DNAH12: variants seen among roughly 807,000 people sequenced by gnomAD.
DNAH12 encodes the protein dynein axonemal heavy chain 12.
In DNAH12, 285 loss-of-function variants were observed where a neutral mutation model predicts 371.5. That is an observed-to-expected ratio of 0.77 (90% CI 0.70 to 0.85). DNAH12 has a LOEUF of 0.85. DNAH12 is among the 40% of genes least tolerant of loss of function. DNAH12 has a pLI of 0.00. For missense variants in DNAH12, 3,611 were observed against 3,689.4 expected (o/e 0.98, Z 0.55); for synonymous variants, 1,200 against 1,213.0 (o/e 0.99, Z 0.22).
rs576726477 is a variant in DNAH12 at position 57,450,789 on chromosome 3, CTT to C, written c.3786+2052_3786+2053del. 9.2e-5 allele frequency among the ~76,000 whole-genome samples: 14 copies of C among 152,314 alleles called. 1 individual carries two copies. Among genetic ancestry groups the C allele is most frequent in the African/African-American group, 3.4e-4 (14 of 41,572 alleles). Reference sequence around the variant, plus strand: ...GAGAAAATAAAGGGTTTGGTGAAATCTTTTCTCCCAGATCCATTGTTGCCCTA... The same window carrying C: ...GAGAAAATAAAGGGTTTGGTGAAATCTTCTCCCAGATCCATTGTTGCCCTA... On this transcript the variant is annotated intron_variant, in intron 25 of 73. Transcript: ENST00000495027.
At chr3:57,434,499 A>G (rs1245397052) in intron 30 of DNAH12, among the ~76,000 whole-genome samples, 4 of 152,140 alleles carry the variant, frequency 2.6e-5, no homozygotes, top group Admixed American at 2.6e-4. Flanking sequence ...TAAATCACTA[A>G]CATTTGGGTG....
At chr3:57,359,329 G>A (rs1328909913) in intron 58 of DNAH12, among the ~76,000 whole-genome samples, 2 of 151,768 alleles carry the variant, frequency 1.3e-5, no homozygotes, top group African/African-American at 2.4e-5. Context: ...GGAGGCTGAG[G>A]CGGGTGGATC....
chr3:57,321,105 A>C (rs2153290536), intron 65 of DNAH12, among the ~76,000 whole-genome samples: 1 of 152,278 alleles, frequency 6.6e-6, no homozygotes, highest in Admixed American at 6.5e-5. Context: ...GCTCTGCTTG[A>C]GCTTAGAATC....
chr3:57,333,549 T>C (rs2062156803), intron 62 of DNAH12, among the ~76,000 whole-genome samples: 2 of 152,152 alleles, frequency 1.3e-5, no homozygotes, highest in Middle Eastern at 6.8e-3. Flanking sequence ...CAGGCTGGTC[T>C]TGAACTCCTG....
At chr3:57,487,173 CA>C (rs2066946726) in intron 12 of DNAH12, among the ~76,000 whole-genome samples, 1 of 151,728 alleles carries the variant, frequency 6.6e-6, no homozygotes, top group Admixed American at 6.6e-5. Flanking sequence ...CAGTGGCCCA[CA>C]CCTGTAATCC....
At position 57,328,241 on chromosome 3, in the gene DNAH12, T is replaced by A. The variant is rs1389059387; in HGVS notation, c.9979-4622A>T. Among the ~76,000 whole-genome samples the A allele has an allele frequency of 1.7e-4, 25 of 151,282 alleles. No individual in the cohort carries two copies. The East Asian group carries it at 4.7e-3, about 28-fold the overall frequency. ...CCAGCATCATCCTGATACCAAAGCC[T>A]GGCAGAGACACAACCAAAAAAGAGA... On this transcript the variant is annotated intron_variant, in intron 62 of 73. Transcript: ENST00000495027.
chr3:57,526,143 C>G (rs939950890), intron 2 of DNAH12, among the ~76,000 whole-genome samples: 3 of 152,086 alleles, frequency 2.0e-5, no homozygotes, highest in Non-Finnish European at 4.4e-5. Context: ...CCTCTGGTAA[C>G]CAGCCTTCTA....
At chr3:57,377,771 T>C (rs929327000) in intron 52 of DNAH12, among the ~76,000 whole-genome samples, 18 of 152,114 alleles carry the variant, frequency 1.2e-4, no homozygotes, top group Non-Finnish European at 2.6e-4. Flanking sequence ...AAAGCCACAC[T>C]TGACTGAGAG....
intron 29 of DNAH12, among the ~76,000 whole-genome samples, chr3:57,440,013 A>G (rs1182787863): frequency 1.3e-5 from 2 of 152,230 alleles, no homozygotes; most frequent in Non-Finnish European, 2.9e-5. Flanking sequence ...CTATTACTAA[A>G]AAGTTAAGAA....
At chr3:57,437,169 T>C (rs796239102) in intron 29 of DNAH12, 109 bp from the exon 30 acceptor site, 1 of 716,124 alleles carries the variant, frequency 1.4e-6, no homozygotes. Context: ...CTATCATCAT[T>C]GTTTATTATT....
chr3:57,534,535 A>G (rs2153401310), intron 2 of DNAH12, among the ~76,000 whole-genome samples: 1 of 134,928 alleles, frequency 7.4e-6, no homozygotes, highest in East Asian at 2.2e-4. Context: ...TTTGAGACAG[A>G]GTCTGGCCCA....
intron 12 of DNAH12, among the ~76,000 whole-genome samples, chr3:57,484,047 T>C (rs925361969): frequency 2.0e-5 from 3 of 149,128 alleles, no homozygotes; most frequent in Admixed American, 6.7e-5. Flanking sequence ...ACATGCAAAA[T>C]TATGGCATAT....
chr3:57,307,356 C>T (rs988566761), intron 69 of DNAH12, among the ~76,000 whole-genome samples: 14 of 152,136 alleles, frequency 9.2e-5, no homozygotes, highest in Admixed American at 7.2e-4. Flanking sequence ...TTAGAGACTG[C>T]CCCCACCCTA....
rs779774895 is a variant in DNAH12, at chr3:57,446,501, A to G, written c.3939+36T>C. On this transcript the variant is annotated intron_variant, in intron 26 of 73. Coordinates refer to ENST00000495027, the MANE Select transcript of DNAH12 (RefSeq NM_001366028.2). ...CCAATTAGACCTAGCTGTAAGTTTG[A>G]AACATTTAATATTATTGATTCAGCA... 16 of 1,503,376 alleles carry G rather than the reference A, an allele frequency of 1.1e-5. No individual in the cohort carries two copies. In the African/African-American group the frequency reaches 2.1e-4, roughly 20 times the overall value. The allele number at this position is 1,503,376 out of a possible 1,614,324, so 93.1% of individuals were successfully genotyped here.
At chr3:57,479,872 C>A (rs1454242679) in intron 13 of DNAH12, among the ~76,000 whole-genome samples, 1 of 152,002 alleles carries the variant, frequency 6.6e-6, no homozygotes, top group African/African-American at 2.4e-5. Flanking sequence ...TTGAAACCAA[C>A]GAGAACAAAG....
intron 45 of DNAH12, among the ~76,000 whole-genome samples, chr3:57,387,434 T>C (rs1426508028): frequency 1.3e-5 from 2 of 152,070 alleles, no homozygotes; most frequent in African/African-American, 2.4e-5. Flanking sequence ...AAAAGGATAA[T>C]ATAAAGGAAG....
rs571458500 is a variant in DNAH12 at position 57,458,282 on chromosome 3, A to C, written c.2932-62T>G. 6 of 1,484,468 alleles carry C rather than the reference A, an allele frequency of 4.0e-6. No individual in the cohort carries two copies. The East Asian group carries it at 1.5e-4, about 37-fold the overall frequency. The allele number at this position is 1,484,468 out of a possible 1,614,324, so 92.0% of individuals were successfully genotyped here. A position where few individuals can be genotyped will look rare whatever the true frequency, so the allele number is the denominator to read the frequency against. On this transcript the variant is annotated intron_variant, in intron 20 of 73. Transcript: ENST00000495027. The stretch of plus-strand genomic sequence containing the variant: ...TGCCAGATATAATTATGACTTAAAT[A>C]TCAATCTATACTATATGTTAAAATC...
At chr3:57,307,395 C>T (rs2061494700) in intron 69 of DNAH12, among the ~76,000 whole-genome samples, 1 of 152,190 alleles carries the variant, frequency 6.6e-6, no homozygotes, top group Non-Finnish European at 1.5e-5. Context: ...CAACCCTTTT[C>T]ATTACCCACA....
chr3:57,501,759 C>T (rs1037724965), intron 10 of DNAH12, among the ~76,000 whole-genome samples: 3 of 152,180 alleles, frequency 2.0e-5, no homozygotes, highest in Non-Finnish European at 4.4e-5. Flanking sequence ...TAAAATTGAG[C>T]TACAGGCTCT....
Sources: gnomAD v4.1 joint callset for allele counts (sites outside exome capture counted in the v4.1 genomes callset) on GRCh38, gnomAD v4.1.1 for gene constraint, MANE v1.5 for transcripts, NCBI Gene and HGNC (gene_info 2026-07-23, HGNC 2026-07-21) for gene names.